The following KCNN2 variants were observed in gnomAD, a reference collection of about 807,000 sequenced individuals.
The protein encoded by KCNN2 is potassium calcium-activated channel subfamily N member 2.
Under a neutral mutation model 55.5 loss-of-function variants are expected in KCNN2, and 24 were observed. That is an observed-to-expected ratio of 0.43 (90% CI 0.31 to 0.61). The LOEUF (loss-of-function observed/expected upper bound fraction) is 0.61, where lower values mean the gene tolerates loss of function less well. Ranked by LOEUF, KCNN2 falls within the 20% of genes least tolerant of loss-of-function variation. The pLI is 0.08. For missense variants in KCNN2, 754 were observed against 853.6 expected, an observed-to-expected ratio of 0.88 and a Z score of 1.45; for synonymous variants, 431 against 336.1, an observed-to-expected ratio of 1.28 and a Z score of -3.09.
chr5:114,095,855 C>G (rs908956552), intron 1 of KCNN2, among the ~76,000 whole-genome samples: 1 of 152,036 alleles, frequency 6.6e-6, no homozygotes, highest in African/African-American at 2.4e-5. Context: ...CCTGCTGTAT[C>G]CTTTGTACAC....
intron 2 of KCNN2, among the ~76,000 whole-genome samples, chr5:114,400,108 T>C (rs1758741241): frequency 6.6e-6 from 1 of 152,110 alleles, no homozygotes; most frequent in Non-Finnish European, 1.5e-5. Flanking sequence ...TGCTTCTCAA[T>C]TTCCTTCAGT....
At chr5:114,348,481 C>CT (rs2150039297) in intron 2 of KCNN2, among the ~76,000 whole-genome samples, 1 of 152,234 alleles carries the variant, frequency 6.6e-6, no homozygotes, top group South Asian at 2.1e-4. Context: ...TTTAGTCCCA[C>CT]TTTTTTCTTG....
intron 2 of KCNN2, among the ~76,000 whole-genome samples, chr5:114,272,378 T>C (rs1755363934): frequency 1.6e-5 from 1 of 63,194 alleles, no homozygotes; most frequent in Non-Finnish European, 3.0e-5. Flanking sequence ...CACATATGTA[T>C]GTACATATAT....
intron 1 of KCNN2, among the ~76,000 whole-genome samples, chr5:114,146,561 C>A (rs1301242713): frequency 2.6e-5 from 4 of 152,124 alleles, no homozygotes; most frequent in African/African-American, 9.7e-5. Context: ...GAAAAGGTGT[C>A]AACTGTGACA....
chr5:114,426,949 C>G (rs1295416397), intron 3 of KCNN2, among the ~76,000 whole-genome samples: 1 of 152,172 alleles, frequency 6.6e-6, no homozygotes, highest in African/African-American at 2.4e-5. Flanking sequence ...TACACACTCA[C>G]AGCGGAAAGG....
intron 3 of KCNN2, among the ~76,000 whole-genome samples, chr5:114,450,602 T>C (rs1225339416): frequency 1.3e-5 from 2 of 152,214 alleles, no homozygotes; most frequent in Non-Finnish European, 2.9e-5. Flanking sequence ...TCCAAGATTT[T>C]CCAGTTTCAC....
chr5:114,225,488 G>C (rs1172384524), intron 2 of KCNN2, among the ~76,000 whole-genome samples: 1 of 152,144 alleles, frequency 6.6e-6, no homozygotes, highest in Non-Finnish European at 1.5e-5. Context: ...CCAATTACAA[G>C]TCACCAGTGG....
At chr5:114,423,901 A>G (rs1218423545) in intron 3 of KCNN2, among the ~76,000 whole-genome samples, 1 of 152,220 alleles carries the variant, frequency 6.6e-6, no homozygotes, top group Non-Finnish European at 1.5e-5. Flanking sequence ...AACAGCATAA[A>G]TACAGGCATG....
rs563440827 is a variant in KCNN2, at chr5:114,238,016, G to T, written c.-185+16451G>T. ...CAGCCCATTCATCAAACCAAGTCAC[G>T]TGGCTTCAATTTCACCGCAAAGGAA... On this transcript the variant is annotated intron_variant, in intron 2 of 10. Transcript: ENST00000512097. 3.9e-5 allele frequency among the ~76,000 whole-genome samples: 6 copies of T among 152,280 alleles called. No homozygotes were observed. The East Asian group carries it at 1.2e-3, about 29-fold the overall frequency.
At chr5:114,178,908 A>G (rs141438325) in intron 1 of KCNN2, among the ~76,000 whole-genome samples, 5 of 152,176 alleles carry the variant, frequency 3.3e-5, no homozygotes, top group Admixed American at 3.3e-4. Context: ...TGTGACCTTC[A>G]GTCTTTTCTT....
intron 1 of KCNN2, among the ~76,000 whole-genome samples, chr5:114,178,554 T>C (rs527628406): frequency 9.2e-5 from 14 of 152,338 alleles, no homozygotes; most frequent in African/African-American, 3.4e-4. Context: ...CAAAGCCTGA[T>C]CTCTGTTTAT....
rs1554078489 is a variant in KCNN2, at chr5:114,272,333, T to TCATAC, written c.-185+50768_-185+50769insCATAC. Among the ~76,000 whole-genome samples, 811 of 122,038 alleles carry TCATAC rather than the reference T, an allele frequency of 6.6e-3. 38 individuals carry two copies. The highest frequency in any genetic ancestry group is 0.025 in the African/African-American group (741 of 29,456). 80.1% of individuals were successfully genotyped at this position (122,038 alleles called of 152,430 possible). On this transcript the variant is annotated intron_variant, in intron 2 of 10. Transcript: ENST00000512097. Reference sequence around the variant, plus strand: ...ACACACACATATATGTATGTACATATACACACATATATGTATGTACATACC... The same window carrying TCATAC: ...ACACACACATATATGTATGTACATATCATACACACACATATATGTATGTACATACC...
In KCNN2 at chr5:114,379,655, CAT is replaced by C. The variant is rs537360347; in HGVS notation, c.1218+15661_1218+15662del. Among the ~76,000 whole-genome samples the C allele has an allele frequency of 1.3e-3, 83 of 61,774 alleles. 16 individuals are homozygous for C. The highest frequency in any genetic ancestry group is 5.3e-3 in the African/African-American group (53 of 9,976). 40.5% of individuals were successfully genotyped at this position (61,774 alleles called of 152,430 possible). A position where few individuals can be genotyped will look rare whatever the true frequency, so the allele number is the denominator to read the frequency against. On this transcript the variant is annotated intron_variant, in intron 2 of 7. Transcript: ENST00000673685. Reference sequence around the variant, plus strand: ...TATATTTGTAGAATATATTATATAACATATATATTTATAGAATATATTATATA... The same window carrying C: ...TATATTTGTAGAATATATTATATAACATATATTTATAGAATATATTATATA...
intron 1 of KCNN2, among the ~76,000 whole-genome samples, chr5:114,085,271 T>G (rs1335390389): frequency 6.6e-6 from 1 of 151,950 alleles, no homozygotes; most frequent in Non-Finnish European, 1.5e-5. Context: ...ACTGGGATTT[T>G]GATTTTAATT....
At position 114,329,896 on chromosome 5, in the gene KCNN2, G is replaced by T. The variant is rs1223122736; in HGVS notation, c.-184-31049G>T. The stretch of plus-strand genomic sequence containing the variant: ...TGATGCTGCTGTGTCATGCTCTTAG[G>T]GTGACATTATTCCTCCTGCTGCTCC... On this transcript the variant is annotated intron_variant, in intron 2 of 10. Coordinates refer to the KCNN2 transcript ENST00000512097. 1.1e-4 allele frequency among the ~76,000 whole-genome samples: 16 copies of T among 152,124 alleles called. No individual in the cohort carries two copies. The East Asian group carries it at 2.9e-3, about 28-fold the overall frequency.
At chr5:114,273,847 G>T (rs955684564) in intron 2 of KCNN2, among the ~76,000 whole-genome samples, 4 of 152,202 alleles carry the variant, frequency 2.6e-5, no homozygotes, top group African/African-American at 9.6e-5. Context: ...AAGCTCTTTA[G>T]ATTAATTAGA....
At chr5:114,220,427 G>A (rs1054271729) in intron 1 of KCNN2, among the ~76,000 whole-genome samples, 24 of 151,898 alleles carry the variant, frequency 1.6e-4, no homozygotes, top group African/African-American at 4.6e-4. Context: ...ATGAAATAGG[G>A]CCAATAAACT....
chr5:114,323,431 T>C (rs2150030313), intron 2 of KCNN2, among the ~76,000 whole-genome samples: 1 of 152,240 alleles, frequency 6.6e-6, no homozygotes, highest in African/African-American at 2.4e-5. Flanking sequence ...TGAGTTGACA[T>C]TTCAAGTTCA....
At chr5:114,395,826 C>T (rs4705504) in intron 2 of KCNN2, among the ~76,000 whole-genome samples, 41,130 of 152,104 alleles carry the variant, frequency 0.27, 6,346 homozygotes, top group Non-Finnish European at 0.35. Flanking sequence ...GATCCTCTTA[C>T]GTCCTGACCT....
Sources: allele counts gnomAD v4.1 joint callset (sites outside exome capture counted in the v4.1 genomes callset), GRCh38; gene constraint gnomAD v4.1.1; transcripts MANE v1.5; gene names NCBI Gene and HGNC (gene_info 2026-07-23, HGNC 2026-07-21).